The following RAD51B variants were observed in gnomAD, a reference collection of about 807,000 sequenced individuals.
The protein encoded by RAD51B is DNA repair protein RAD51 homolog 2.
Under a neutral mutation model 42.2 loss-of-function variants are expected in RAD51B, and 38 were observed. That is an observed-to-expected ratio of 0.90 (90% CI 0.70 to 1.18). The LOEUF (loss-of-function observed/expected upper bound fraction) is 1.18, where lower values mean the gene tolerates loss of function less well. Among genes scored for constraint, RAD51B ranks in the 50% most tolerant of loss-of-function variants. The pLI is 0.00. For synonymous variants in RAD51B, 154 were observed against 145.2 expected (o/e 1.06, Z -0.43); for missense variants, 373 against 400.7 (o/e 0.93, Z 0.59).
At position 68,429,989 on chromosome 14, in the gene RAD51B, G is replaced by A. The variant is rs370627102; in HGVS notation, c.957+18462G>A. Among the ~76,000 whole-genome samples, 10 of 152,114 alleles carry A rather than the reference G, an allele frequency of 6.6e-5. No homozygotes were observed. In the East Asian group the frequency reaches 7.7e-4, roughly 12 times the overall value. ...ATGGCCAGCCAGTTTTCCCAGCACC[G>A]TTTATTAAATAGGGAATCCTTTCCC... is the stretch of plus-strand genomic sequence containing the variant. On this transcript the variant is annotated intron_variant, in intron 9 of 10. Coordinates refer to ENST00000471583, the MANE Select transcript of RAD51B (RefSeq NM_133510.4).
In RAD51B at chr14:68,468,200, C is replaced by G. The variant is rs1237429278; in HGVS notation, c.986C>G (p.Pro329Arg). The change falls in exon 10 of 11, where the codon CCC (proline) becomes CGC (arginine). Residue 329 changes from proline (P) to arginine (R), a missense_variant. Physicochemically the swap from Pro to Arg is moderately radical, Grantham distance 103. Coordinates refer to ENST00000471583, the MANE Select transcript of RAD51B (RefSeq NM_133510.4). ...QILIAKSPLAPFTSFVYTIKE... is the reference protein window; with the variant it reads ...QILIAKSPLARFTSFVYTIKE... ...CTTATTGCCAAGTCCCCTCTGGCTC[C>G]CTTCACCTCATTTGTCTACACCATC... 1 of 1,613,952 alleles carries G rather than the reference C, an allele frequency of 6.2e-7. No homozygotes were observed. The highest frequency in any genetic ancestry group is 8.5e-7 in the Non-Finnish European group (1 of 1,179,962).
chr14:68,171,926 C>T (rs1416447206), intron 7 of RAD51B, among the ~76,000 whole-genome samples: 6 of 151,990 alleles, frequency 3.9e-5, no homozygotes, highest in African/African-American at 9.7e-5. Flanking sequence ...AGCCTGGTTT[C>T]GAACTCCTGA....
chr14:68,080,900 G>GAAACAAACAAAC (rs2076903188), intron 7 of RAD51B, among the ~76,000 whole-genome samples: 1 of 152,160 alleles, frequency 6.6e-6, no homozygotes, highest in African/African-American at 2.4e-5. Flanking sequence ...TTGGGACTCT[G>GAAACAAACAAAC]AAACAAACCA....
rs145534339 is a variant in RAD51B, at chr14:67,867,943, AT to A, written c.452+2807del. ...GGATTAAAGGATTCACATATATAGA[AT>A]TTAGGGTACGTGAGAAAAAGTTGAA... On this transcript the variant is annotated intron_variant, in intron 5 of 10. Transcript: ENST00000471583. 4.2e-3 allele frequency among the ~76,000 whole-genome samples: 646 copies of A among 152,348 alleles called. 6 individuals carry two copies. Among genetic ancestry groups the A allele is most frequent in the African/African-American group, 0.015 (619 of 41,578 alleles).
At chr14:68,066,174 A>G (rs958144360) in intron 7 of RAD51B, among the ~76,000 whole-genome samples, 11 of 152,108 alleles carry the variant, frequency 7.2e-5, no homozygotes, top group African/African-American at 2.7e-4. Flanking sequence ...AAACATTTTA[A>G]TGATGTTGGA....
At chr14:68,491,325 A>T (rs1197785624) in intron 10 of RAD51B, among the ~76,000 whole-genome samples, 11 of 152,236 alleles carry the variant, frequency 7.2e-5, no homozygotes, top group Non-Finnish European at 1.3e-4. Flanking sequence ...ATTGAGGCAT[A>T]AGGTAAGGAA....
chr14:68,030,480 G>A (rs1471901549), intron 7 of RAD51B, among the ~76,000 whole-genome samples: 2 of 152,098 alleles, frequency 1.3e-5, no homozygotes, highest in African/African-American at 4.8e-5. Context: ...ACCTCATGAA[G>A]CAACCTTTGC....
intron 7 of RAD51B, among the ~76,000 whole-genome samples, chr14:67,961,542 A>G (rs2074667550): frequency 6.6e-6 from 1 of 152,216 alleles, no homozygotes; most frequent in Non-Finnish European, 1.5e-5. Context: ...GAAGGATATT[A>G]TTCTTGTATA....
At chr14:67,874,996 G>C (rs1020909918) in intron 5 of RAD51B, among the ~76,000 whole-genome samples, 2 of 152,108 alleles carry the variant, frequency 1.3e-5, no homozygotes, top group Non-Finnish European at 2.9e-5. Flanking sequence ...AGTAAAGTTG[G>C]GTCTTAGAAC....
intron 7 of RAD51B, among the ~76,000 whole-genome samples, chr14:67,957,435 C>T (rs2074573918): frequency 6.6e-6 from 1 of 152,208 alleles, no homozygotes; most frequent in Non-Finnish European, 1.5e-5. Context: ...GATCCCCATG[C>T]ACCTTCCATC....
chr14:68,426,007 C>CTTTCTTTCTTT (rs2084835108), intron 9 of RAD51B, among the ~76,000 whole-genome samples: 55 of 116,670 alleles, frequency 4.7e-4, no homozygotes, highest in African/African-American at 1.8e-3. Flanking sequence ...TTCCTTCCTT[C>CTTTCTTTCTTT]CTTTCTTTCT....
At chr14:68,416,414 T>C (rs1451599178) in intron 9 of RAD51B, among the ~76,000 whole-genome samples, 2 of 152,152 alleles carry the variant, frequency 1.3e-5, no homozygotes, top group Admixed American at 1.3e-4. Flanking sequence ...TATAACTGAA[T>C]TTATCTGCAT....
intron 8 of RAD51B, among the ~76,000 whole-genome samples, chr14:68,393,092 A>T (rs923834754): frequency 6.6e-6 from 1 of 152,230 alleles, no homozygotes; most frequent in Non-Finnish European, 1.5e-5. Flanking sequence ...TGTTATAAAG[A>T]ATAATGAGGT....
chr14:67,945,326 C>A (rs79576756), intron 7 of RAD51B, among the ~76,000 whole-genome samples: 1,996 of 152,186 alleles, frequency 0.013, 30 homozygotes, highest in African/African-American at 0.035. Context: ...TTAGTGATAC[C>A]CCAAATTGCC....
intron 9 of RAD51B, among the ~76,000 whole-genome samples, chr14:68,465,959 T>TAAA (rs1491286871): frequency 0.12 from 8,380 of 67,818 alleles, 420 homozygotes; most frequent in Non-Finnish European, 0.21. Context: ...AAAAAATAAA[T>TAAA]AAATAAATAA....
intron 7 of RAD51B, among the ~76,000 whole-genome samples, chr14:67,935,135 C>T (rs2044888920): frequency 6.6e-6 from 1 of 152,130 alleles, no homozygotes; most frequent in Non-Finnish European, 1.5e-5. Context: ...ATAAATCTGA[C>T]TAATTATAGT....
rs1412804139 is a variant in RAD51B, at chr14:68,529,353, C to T, written c.1036+61103C>T. On this transcript the variant is annotated intron_variant, in intron 10 of 10. Transcript: ENST00000487270. ...CTGGGACTACAGGCGCGTGCCACCA[C>T]GCCAGGCTAATTTTTGTATTTTTTG... 3.9e-5 allele frequency among the ~76,000 whole-genome samples: 6 copies of T among 152,222 alleles called. 1 individual carries two copies. The highest frequency in any genetic ancestry group is 1.9e-4 in the East Asian group (1 of 5,200).
chr14:67,984,120 G>C (rs2075142979), intron 7 of RAD51B, among the ~76,000 whole-genome samples: 1 of 152,066 alleles, frequency 6.6e-6, no homozygotes, highest in African/African-American at 2.4e-5. Flanking sequence ...TGTATTGTTA[G>C]TAGAGACAGG....
intron 7 of RAD51B, among the ~76,000 whole-genome samples, chr14:67,904,710 G>A (rs549704692): frequency 1.3e-5 from 2 of 151,698 alleles, no homozygotes; most frequent in African/African-American, 2.4e-5. Context: ...TTGTGTGTTT[G>A]TCTTCTTTTG....
Sources: gnomAD v4.1 joint callset for allele counts (sites outside exome capture counted in the v4.1 genomes callset) on GRCh38, gnomAD v4.1.1 for gene constraint, MANE v1.5 for transcripts, NCBI Gene and HGNC (gene_info 2026-07-23, HGNC 2026-07-21) for gene names.